The following EXOC2 variants were observed in gnomAD, a reference collection of about 807,000 sequenced individuals.
The protein encoded by EXOC2 is SEC5-like 1.
In EXOC2, 70 loss-of-function variants were observed where a neutral mutation model predicts 131.8. The ratio of observed to expected loss-of-function variants is 0.53; its 90% CI spans 0.44 to 0.65. The LOEUF is 0.65. Ranked by LOEUF, EXOC2 falls within the 30% of genes least tolerant of loss-of-function variation. The pLI, the probability that EXOC2 is intolerant of heterozygous loss-of-function variation, is 0.00. For missense variants in EXOC2, 923 were observed against 1,108.6 expected, an observed-to-expected ratio of 0.83 and a Z score of 2.38; for synonymous variants, 411 against 398.4, an observed-to-expected ratio of 1.03 and a Z score of -0.38.
At chr6:524,559 C>T (rs2493031) in intron 23 of EXOC2, among the ~76,000 whole-genome samples, 145,485 of 152,292 alleles carry the variant, frequency 0.96, 69,565 homozygotes, top group East Asian at 1. Flanking sequence ...GTTCTTGTCA[C>T]ATTTTTGATT....
intron 12 of EXOC2, among the ~76,000 whole-genome samples, chr6:576,539 C>T (rs1046421090): frequency 2.0e-5 from 3 of 152,164 alleles, no homozygotes; most frequent in Non-Finnish European, 2.9e-5. Flanking sequence ...CACTGACCTG[C>T]ACCCAATGAC....
chr6:514,862 G>A (rs188961063), intron 23 of EXOC2, among the ~76,000 whole-genome samples: 16 of 152,304 alleles, frequency 1.1e-4, no homozygotes, highest in African/African-American at 3.4e-4. Context: ...GGAGGGGAGC[G>A]AGGGAGCCAG....
chr6:488,854 T>C, intron 27 of EXOC2, 125 bp downstream of exon 27: 1 of 1,019,078 alleles, frequency 9.8e-7, no homozygotes, highest in Non-Finnish European at 1.4e-6. Flanking sequence ...TATCTGCTTA[T>C]TCTGATTCTT....
intron 22 of EXOC2, among the ~76,000 whole-genome samples, chr6:539,772 A>T (rs1157121104): frequency 6.6e-6 from 1 of 152,256 alleles, no homozygotes; most frequent in Non-Finnish European, 1.5e-5. Context: ...ATCTGTATAG[A>T]AATAAGGTCA....
rs767774994 is a variant in EXOC2, at chr6:598,009, CAGA to C, written c.1073+9_1073+11del. The C allele has an allele frequency of 7.5e-6, 12 of 1,593,456 alleles. No individual in the cohort carries two copies. In the South Asian group the frequency reaches 7.8e-5, roughly 10 times the overall value. On this transcript the variant is annotated intron_variant, in intron 10 of 27. Coordinates refer to ENST00000230449, the MANE Select transcript of EXOC2 (RefSeq NM_018303.6). ...TACATGTGATTCAACAAAATGTTTG[CAGA>C]AGATTTACCTTATGTAACGTTTTTG...
At chr6:650,310 A>G (rs1355144694) in intron 1 of EXOC2, among the ~76,000 whole-genome samples, 1 of 152,244 alleles carries the variant, frequency 6.6e-6, no homozygotes, top group Non-Finnish European at 1.5e-5. Context: ...TCTATAAACA[A>G]GATGATTGGA....
intron 19 of EXOC2, 42 bp downstream of exon 19, chr6:555,912 G>A: frequency 6.3e-7 from 1 of 1,583,484 alleles, no homozygotes; most frequent in Non-Finnish European, 8.6e-7. Context: ...CTGACACTTA[G>A]TATTATTTGA....
At chr6:668,572 C>T (rs1331730007) in intron 1 of EXOC2, among the ~76,000 whole-genome samples, 3 of 152,180 alleles carry the variant, frequency 2.0e-5, no homozygotes, top group African/African-American at 7.2e-5. Flanking sequence ...CCTTCCCTCA[C>T]CTCACTTCCA....
intron 22 of EXOC2, among the ~76,000 whole-genome samples, chr6:548,788 G>A (rs1000089012): frequency 1.3e-5 from 2 of 152,214 alleles, no homozygotes; most frequent in African/African-American, 2.4e-5. Flanking sequence ...TGCAGGCTCA[G>A]GGAGTTTGCT....
chr6:636,776 T>A (rs1387144824), intron 2 of EXOC2, among the ~76,000 whole-genome samples: 1 of 152,214 alleles, frequency 6.6e-6, no homozygotes, highest in Non-Finnish European at 1.5e-5. Context: ...TCTGAATGCA[T>A]CTGTATACCC....
At chr6:656,611 G>A (rs1763113910) in intron 1 of EXOC2, 2 of 1,600,290 alleles carry the variant, frequency 1.2e-6, no homozygotes, top group Non-Finnish European at 1.7e-6. Context: ...GCCACCGTGA[G>A]GGAGGGGCGG....
rs1757288873 is a variant in EXOC2 at position 554,041 on chromosome 6, A to G, written c.2055-121T>C. On this transcript the variant is annotated intron_variant, in intron 20 of 27. Transcript: ENST00000230449. ...ATGGAAAACATTTGGTGAAAGTCAC[A>G]TAACTTTTTTTTTTTTGAGATGAAG... 5 of 716,322 alleles carry G rather than the reference A, an allele frequency of 7.0e-6. No homozygotes were observed. In the South Asian group the frequency reaches 8.8e-5, roughly 13 times the overall value. 44.4% of individuals were successfully genotyped at this position (716,322 alleles called of 1,614,324 possible). A position where few individuals can be genotyped will look rare whatever the true frequency, so the allele number is the denominator to read the frequency against.
At chr6:564,261 G>A in intron 15 of EXOC2, 107 bp from the exon 16 acceptor site, 6 of 1,468,492 alleles carry the variant, frequency 4.1e-6, no homozygotes, top group Non-Finnish European at 5.4e-6. Context: ...ACGAGCTACA[G>A]CATTAGGCTG....
chr6:609,870 T>C (rs1554137189), intron 7 of EXOC2, among the ~76,000 whole-genome samples: 1 of 152,182 alleles, frequency 6.6e-6, no homozygotes, highest in South Asian at 2.1e-4. Flanking sequence ...TTAAGAAGTA[T>C]ATTGGATTGT....
At chr6:598,572 T>C (rs1325966309) in intron 9 of EXOC2, among the ~76,000 whole-genome samples, 1 of 152,170 alleles carries the variant, frequency 6.6e-6, no homozygotes, top group African/African-American at 2.4e-5. Flanking sequence ...CTCTAGAAAA[T>C]ACTTGTCATT....
At chr6:646,320 C>T (rs1294599166) in intron 1 of EXOC2, among the ~76,000 whole-genome samples, 1 of 17,300 alleles carries the variant, frequency 5.8e-5, no homozygotes, top group African/African-American at 1.4e-4. Context: ...AAAACATAGA[C>T]AGACAGATGG....
chr6:582,644 C>T (rs2143333), intron 11 of EXOC2, among the ~76,000 whole-genome samples: 36,502 of 144,424 alleles, frequency 0.25, 5,728 homozygotes, highest in Middle Eastern at 0.4. Context: ...GGTGGGGGTG[C>T]GGTGGGCGTA....
intron 11 of EXOC2, among the ~76,000 whole-genome samples, chr6:577,662 C>T (rs1353634756): frequency 6.6e-6 from 1 of 152,190 alleles, no homozygotes; most frequent in African/African-American, 2.4e-5. Context: ...CACTCTTTAG[C>T]TGAGTATTCA....
chr6:688,988 C>G (rs1282790594), intron 1 of EXOC2, among the ~76,000 whole-genome samples: 2 of 152,170 alleles, frequency 1.3e-5, no homozygotes, highest in Non-Finnish European at 2.9e-5. Context: ...TCCATGCTTA[C>G]AAATGAAACG....
Sources: allele counts gnomAD v4.1 joint callset (sites outside exome capture counted in the v4.1 genomes callset), GRCh38; gene constraint gnomAD v4.1.1; transcripts MANE v1.5; gene names NCBI Gene and HGNC (gene_info 2026-07-23, HGNC 2026-07-21).